The following SEPTIN10 variants were observed in gnomAD, a reference collection of about 807,000 sequenced individuals.
SEPTIN10 encodes the protein septin-10.
A neutral mutation model predicts 54.8 loss-of-function variants in SEPTIN10; 66 were observed. The observed-to-expected ratio is 1.21, with a 90% CI of 0.99 to 1.48. The LOEUF (loss-of-function observed/expected upper bound fraction) is 1.48. Ranked by LOEUF, SEPTIN10 falls within the 40% of genes most tolerant of loss-of-function variation. SEPTIN10 has a pLI of 0.00. For synonymous variants in SEPTIN10, 161 were observed against 181.0 expected (o/e 0.89, Z 0.89); for missense variants, 620 against 545.6 (o/e 1.14, Z -1.36).
chr2:109,561,005 C>T (rs1303658311), intron 8 of SEPTIN10, among the ~76,000 whole-genome samples: 2 of 152,190 alleles, frequency 1.3e-5, no homozygotes, highest in East Asian at 1.9e-4. Context: ...ACCTCCTTCA[C>T]ATTAGAGCAA....
chr2:109,588,982 T>C lies in SEPTIN10; in HGVS notation c.100-3144A>G, dbSNP rs1022107842. ...GAAAATGAAAGGACAATGGCACATA[T>C]AGAAAATTAGTTATCAAGAAAATGT... On this transcript the variant is annotated intron_variant, in intron 2 of 10. Coordinates refer to ENST00000397712, the MANE Select transcript of SEPTIN10 (RefSeq NM_144710.5). Among the ~76,000 whole-genome samples the C allele has an allele frequency of 2.6e-5, 4 of 151,676 alleles. No individual in the cohort carries two copies. The East Asian group carries it at 7.8e-4, about 30-fold the overall frequency.
intron 8 of SEPTIN10, chr2:109,564,108 AAC>A (rs1164348179): frequency 3.2e-6 from 1 of 317,350 alleles, no homozygotes; most frequent in East Asian, 4.6e-5. Flanking sequence ...CATGAACTGA[AAC>A]AGGGGGCCTC....
intron 4 of SEPTIN10, among the ~76,000 whole-genome samples, chr2:109,576,816 G>A (rs1034873528): frequency 2.0e-5 from 3 of 152,028 alleles, no homozygotes; most frequent in African/African-American, 7.2e-5. Flanking sequence ...GAATCAGAGC[G>A]ATTAAGAGTA....
At chr2:109,563,122 GC>G (rs750624187) in intron 8 of SEPTIN10, among the ~76,000 whole-genome samples, 29 of 152,132 alleles carry the variant, frequency 1.9e-4, no homozygotes, top group Non-Finnish European at 3.1e-4. Context: ...TGTTGGCCAG[GC>G]TGGTCTTGAA....
In SEPTIN10 at chr2:109,564,366, C is replaced by T. The variant is rs1280092087; in HGVS notation, c.1028G>A (p.Ser343Asn). The T allele has an allele frequency of 1.3e-6, 2 of 1,550,892 alleles. No individual in the cohort carries two copies. The highest frequency in any genetic ancestry group is 1.9e-5 in the Admixed American group (1 of 54,010). ...TDVGPENKPV[S>N]VQETYEAKRH... ...TGGCTTCCCAAGAACCCCACCCTAC[C>T]TGACTGGCTTGTTTTCTGGGCCCAC... Residue 343 changes from serine (S) to asparagine (N), a missense_variant and splice_region_variant, in exon 8 of 11, where the codon AGT becomes AAT. Ser to Asn is a conservative substitution (Grantham distance 46). Coordinates refer to ENST00000397712, the MANE Select transcript of SEPTIN10 (RefSeq NM_144710.5).
chr2:109,599,288 T>C (rs375322051), intron 1 of SEPTIN10, among the ~76,000 whole-genome samples: 4 of 151,938 alleles, frequency 2.6e-5, no homozygotes, highest in African/African-American at 9.7e-5. Context: ...TGAAACCCTC[T>C]CTCTACTAAA....
intron 5 of SEPTIN10, 29 bp from the exon 6 acceptor site, chr2:109,568,005 TACTG>T: frequency 1.3e-6 from 2 of 1,525,080 alleles, no homozygotes; most frequent in Admixed American, 4.2e-5. Flanking sequence ...AACAAAATCT[TACTG>T]AGGATTTTTT....
intron 2 of SEPTIN10, among the ~76,000 whole-genome samples, chr2:109,590,061 T>C (rs1693612846): frequency 6.7e-6 from 1 of 148,566 alleles, no homozygotes; most frequent in Non-Finnish European, 1.5e-5. Flanking sequence ...TGTGTGTATA[T>C]ATATACACAC....
chr2:109,586,791 TTAGG>T (rs1388302912), intron 2 of SEPTIN10, among the ~76,000 whole-genome samples: 1 of 152,164 alleles, frequency 6.6e-6, no homozygotes. Context: ...GGGCCACATT[TTAGG>T]AGTAAGGTCC....
chr2:109,565,894 A>G (rs1204281157), intron 6 of SEPTIN10, 35 bp from the exon 7 acceptor site: 7 of 1,475,254 alleles, frequency 4.7e-6, no homozygotes, highest in Non-Finnish European at 6.6e-6. Context: ...TTCTCATACC[A>G]CTGTGATAAC....
chr2:109,561,216 G>A (rs1207554953), intron 8 of SEPTIN10, among the ~76,000 whole-genome samples: 1 of 151,998 alleles, frequency 6.6e-6, no homozygotes, highest in Non-Finnish European at 1.5e-5. Context: ...TCTTACAGAT[G>A]CCATTCTCTC....
intron 4 of SEPTIN10, among the ~76,000 whole-genome samples, chr2:109,581,950 AACTGATAT>A (rs1691249218): frequency 6.6e-6 from 1 of 152,200 alleles, no homozygotes; most frequent in East Asian, 1.9e-4. Flanking sequence ...ATGGCTCCTG[AACTGATAT>A]ACAACTTCAG....
chr2:109,554,213 T>C (rs1266066256), intron 8 of SEPTIN10, among the ~76,000 whole-genome samples: 1 of 152,146 alleles, frequency 6.6e-6, no homozygotes, highest in African/African-American at 2.4e-5. Flanking sequence ...AATCAGGGAA[T>C]AGATGTTTGC....
intron 1 of SEPTIN10, among the ~76,000 whole-genome samples, chr2:109,595,836 C>G (rs932779201): frequency 6.6e-6 from 1 of 152,156 alleles, no homozygotes; most frequent in African/African-American, 2.4e-5. Context: ...TAATATCTGG[C>G]TAGGGGCCCT....
intron 4 of SEPTIN10, among the ~76,000 whole-genome samples, chr2:109,577,912 C>CAAAAAAA (rs745439822): frequency 1.1e-5 from 1 of 92,344 alleles, no homozygotes; most frequent in Non-Finnish European, 2.1e-5. Context: ...GACTTTGTCT[C>CAAAAAAA]AAAAAAAAAA....
intron 9 of SEPTIN10, chr2:109,552,877 T>C (rs994672610): frequency 1.1e-5 from 6 of 544,258 alleles, no homozygotes; most frequent in African/African-American, 9.7e-5. Flanking sequence ...TCCATAAATG[T>C]ACTGCTTTAA....
chr2:109,609,492 T>C (rs1698754642), intron 1 of SEPTIN10, among the ~76,000 whole-genome samples: 1 of 151,916 alleles, frequency 6.6e-6, no homozygotes, highest in Non-Finnish European at 1.5e-5. Flanking sequence ...AGAAGCAGCC[T>C]GGCTGCCAGG....
intron 1 of SEPTIN10, among the ~76,000 whole-genome samples, chr2:109,594,121 A>G (rs1158135949): frequency 6.6e-6 from 1 of 152,218 alleles, no homozygotes; most frequent in African/African-American, 2.4e-5. Context: ...CCAAATGGAT[A>G]TTCACTGTTC....
chr2:109,613,778 C>T lies in SEPTIN10; in HGVS notation c.30+20G>A. The T allele has an allele frequency of 8.2e-6, 10 of 1,223,042 alleles. No homozygotes were observed. The highest frequency in any genetic ancestry group is 1.0e-5 in the Non-Finnish European group (10 of 981,954). 75.8% of individuals were successfully genotyped at this position (1,223,042 alleles called of 1,614,324 possible). On this transcript the variant is annotated intron_variant, in intron 1 of 10. Coordinates refer to ENST00000397712, the MANE Select transcript of SEPTIN10 (RefSeq NM_144710.5). The stretch of plus-strand genomic sequence containing the variant: ...GGCCGGGGAGCGCGGGGCTGGGGCC[C>T]CGGCGTCGGCGGGACTCACCAGGTG...
Sources: allele counts gnomAD v4.1 joint callset (sites outside exome capture counted in the v4.1 genomes callset), GRCh38; gene constraint gnomAD v4.1.1; transcripts MANE v1.5; gene names NCBI Gene and HGNC (gene_info 2026-07-23, HGNC 2026-07-21).